Variants in NAA16 observed in about 807,000 individuals in gnomAD.
The protein encoded by NAA16 is NARG1-like protein.
A neutral mutation model predicts 110.3 loss-of-function variants in NAA16; 97 were observed. The ratio of observed to expected loss-of-function variants is 0.88; its 90% CI spans 0.75 to 1.04. NAA16 has a LOEUF of 1.04. Among genes scored for constraint, NAA16 ranks in the 50% least tolerant of loss-of-function variants. NAA16 has a pLI of 0.00. For synonymous variants in NAA16, 372 were observed against 330.6 expected, an observed-to-expected ratio of 1.13 and a Z score of -1.36; for missense variants, 1,017 against 1,005.1, an observed-to-expected ratio of 1.01 and a Z score of -0.16.
rs182970996 is a variant in NAA16, at chr13:41,351,929, C to T, written c.1015-3215C>T. On this transcript the variant is annotated intron_variant, in intron 9 of 19. Transcript: ENST00000379406. The stretch of plus-strand genomic sequence containing the variant: ...TATTAATTTGTCATATTACACACTA[C>T]CTAATTAAATATAAATGGTAAGTAA... Among the ~76,000 whole-genome samples the T allele has an allele frequency of 3.3e-5, 5 of 152,260 alleles. No homozygotes were observed. In the East Asian group the frequency reaches 9.6e-4, roughly 29 times the overall value.
chr13:41,363,218 C>A (rs987802545), intron 13 of NAA16, among the ~76,000 whole-genome samples: 1 of 152,050 alleles, frequency 6.6e-6, no homozygotes, highest in Admixed American at 6.6e-5. Flanking sequence ...AACCACAGAT[C>A]ACTAGCTTGT....
chr13:41,319,338 C>A (rs1328276667), intron 3 of NAA16, among the ~76,000 whole-genome samples: 1 of 151,982 alleles, frequency 6.6e-6, no homozygotes, highest in Non-Finnish European at 1.5e-5. Flanking sequence ...CTTAAACTTT[C>A]TTTTAGACAT....
At chr13:41,372,083 A>G in intron 15 of NAA16, 120 bp from the exon 16 acceptor site, 3 of 814,340 alleles carry the variant, frequency 3.7e-6, no homozygotes, top group South Asian at 4.8e-5. Flanking sequence ...TTTTCTTGTT[A>G]TTTGGTTTTA....
In NAA16 at chr13:41,349,100, C is replaced by T. The variant is rs141477486; in HGVS notation, c.1015-6044C>T. 3.7e-3 allele frequency among the ~76,000 whole-genome samples: 557 copies of T among 152,202 alleles called. 6 individuals carry two copies. Among genetic ancestry groups the T allele is most frequent in the African/African-American group, 0.013 (530 of 41,542 alleles). On this transcript the variant is annotated intron_variant, in intron 9 of 19. Coordinates refer to ENST00000379406, the MANE Select transcript of NAA16 (RefSeq NM_024561.5). ...TTTTGGGTTTGTTGACTTTCCTCCT[C>T]TATTTCATTAATTTTCACTTTATTG...
rs768037404 is a variant in NAA16 at position 41,376,144 on chromosome 13, G to A, written c.*542G>A. ...TTCTCTACTGAAAATACAAAAATTA[G>A]CCAGACGTGATGGCACATACCTGTA... is the stretch of plus-strand genomic sequence containing the variant. On this transcript the variant is annotated 3_prime_UTR_variant, in exon 20 of 20. Coordinates refer to ENST00000379406, the MANE Select transcript of NAA16 (RefSeq NM_024561.5). 2.6e-5 allele frequency: 4 copies of A among 152,294 alleles called. No individual in the cohort carries two copies. The highest frequency in any genetic ancestry group is 5.9e-5 in the Non-Finnish European group (4 of 68,206). 9.4% of individuals were successfully genotyped at this position (152,294 alleles called of 1,614,324 possible).
chr13:41,324,892 A>G (rs2042048746), intron 5 of NAA16, among the ~76,000 whole-genome samples: 1 of 149,762 alleles, frequency 6.7e-6, no homozygotes, highest in African/African-American at 2.5e-5. Flanking sequence ...TTTTTTTTTT[A>G]AGACATAATG....
intron 5 of NAA16, among the ~76,000 whole-genome samples, chr13:41,324,359 CTTTCTTTTTT>C (rs1411281698): frequency 7.0e-5 from 5 of 71,940 alleles, no homozygotes; most frequent in Admixed American, 1.8e-4. Context: ...CAATTTCTTT[CTTTCTTTTTT>C]TTTTTTTTTT....
intron 9 of NAA16, among the ~76,000 whole-genome samples, chr13:41,345,066 A>C (rs2042645424): frequency 6.6e-6 from 1 of 152,174 alleles, no homozygotes; most frequent in Admixed American, 6.5e-5. Context: ...ATTCCCTTTT[A>C]TGACCATGTA....
intron 10 of NAA16, among the ~76,000 whole-genome samples, chr13:41,357,883 G>T (rs1490658903): frequency 1.3e-5 from 2 of 152,128 alleles, no homozygotes; most frequent in Non-Finnish European, 2.9e-5. Flanking sequence ...TAGTATTGAG[G>T]CCTGGAAAAT....
Position 41,367,632 on chromosome 13 carries a change from A to C in NAA16, c.1733A>C (p.Lys578Thr), listed in dbSNP as rs552140929. ...GATAATCCCTTAACCAATGAAAGCAAACAACAAGAAATAAACTCAGGTAAC... is the reference window on the plus strand; with the variant it reads ...GATAATCCCTTAACCAATGAAAGCACACAACAAGAAATAAACTCAGGTAAC... ...LYDNPLTNESKQQEINSENLS... is the reference protein window; with the variant it reads ...LYDNPLTNESTQQEINSENLS... Residue 578 changes from lysine to threonine, a missense_variant, in exon 14 of 20, where the codon AAA (lysine) becomes ACA (threonine). Physicochemically the swap from Lys to Thr is moderately conservative, Grantham distance 78. Coordinates refer to ENST00000379406, the MANE Select transcript of NAA16 (RefSeq NM_024561.5). 261 of 1,606,990 alleles carry C rather than the reference A, an allele frequency of 1.6e-4. No individual in the cohort carries two copies. Among genetic ancestry groups the C allele is most frequent in the Non-Finnish European group, 2.2e-4 (257 of 1,176,176 alleles).
chr13:41,311,688 G>A, intron 1 of NAA16, 106 bp downstream of exon 1: 1 of 1,025,664 alleles, frequency 9.7e-7, no homozygotes, highest in Non-Finnish European at 1.4e-6. Context: ...GGCCTCCGCT[G>A]CCCACCGCTC....
chr13:41,352,594 G>A (rs1053916078), intron 9 of NAA16, among the ~76,000 whole-genome samples: 3 of 152,132 alleles, frequency 2.0e-5, no homozygotes, highest in African/African-American at 7.2e-5. Flanking sequence ...GGCAGAGGTT[G>A]CAGTGAGCTG....
intron 4 of NAA16, 42 bp from the exon 5 acceptor site, chr13:41,323,014 A>C: frequency 6.4e-7 from 1 of 1,553,694 alleles, no homozygotes; most frequent in Non-Finnish European, 8.9e-7. Flanking sequence ...TGATGAAATA[A>C]TGTTTTAGAG....
intron 5 of NAA16, among the ~76,000 whole-genome samples, chr13:41,324,923 T>G (rs1251251912): frequency 2.0e-5 from 3 of 150,932 alleles, no homozygotes; most frequent in Non-Finnish European, 4.4e-5. Flanking sequence ...GTTAATAGAC[T>G]ATAGTGTAGT....
intron 9 of NAA16, among the ~76,000 whole-genome samples, chr13:41,345,897 G>T (rs1224312412): frequency 6.6e-6 from 1 of 152,182 alleles, no homozygotes; most frequent in Non-Finnish European, 1.5e-5. Flanking sequence ...ATATATTCTA[G>T]ATACAAGTCT....
At position 41,362,038 on chromosome 13, in the gene NAA16, C is replaced by T; in HGVS notation, c.1418C>T (p.Thr473Ile). Reference protein sequence around the residue: ...EMCSKFTREGTSAMENLNEMQ... With the variant: ...EMCSKFTREGISAMENLNEMQ... Reference sequence around the variant, plus strand: ...TGAATGCTTCCATTTCAGGAAGGAACATCTGCCATGGAAAATCTAAATGAA... The same window carrying T: ...TGAATGCTTCCATTTCAGGAAGGAATATCTGCCATGGAAAATCTAAATGAA... Residue 473 changes from threonine to isoleucine, a missense_variant, in exon 13 of 20, where the codon ACA becomes ATA. By Grantham distance (89) the Thr-to-Ile change is moderately conservative. Transcript: ENST00000379406. The T allele has an allele frequency of 6.2e-7, 1 of 1,609,960 alleles. No individual in the cohort carries two copies. The highest frequency in any genetic ancestry group is 8.5e-7 in the Non-Finnish European group (1 of 1,178,450).
chr13:41,369,006 A>G (rs2043262732), intron 14 of NAA16, 84 bp from the exon 15 acceptor site: 5 of 1,192,260 alleles, frequency 4.2e-6, no homozygotes, highest in Non-Finnish European at 4.7e-6. Flanking sequence ...CCAAGGGACA[A>G]CCATACTAAC....
chr13:41,359,214 T>C (rs951005665), intron 12 of NAA16, among the ~76,000 whole-genome samples: 1 of 152,208 alleles, frequency 6.6e-6, no homozygotes, highest in Non-Finnish European at 1.5e-5. Flanking sequence ...GGTACATATA[T>C]AAAGAGTATG....
chr13:41,350,058 A>G (rs1315565346), intron 9 of NAA16, among the ~76,000 whole-genome samples: 2 of 151,394 alleles, frequency 1.3e-5, no homozygotes. Context: ...CCAAGGCAGG[A>G]GGATTGCTTG....
Sources: allele counts gnomAD v4.1 joint callset (sites outside exome capture counted in the v4.1 genomes callset), GRCh38; gene constraint gnomAD v4.1.1; transcripts MANE v1.5; gene names NCBI Gene and HGNC (gene_info 2026-07-23, HGNC 2026-07-21).